Variants in SMAD6 observed in about 807,000 individuals in gnomAD.
SMAD6 encodes the protein SMAD family member 6, also known as MAD homolog 6.
In SMAD6, 103 loss-of-function variants were observed where a neutral mutation model predicts 39.4. That is an observed-to-expected ratio of 2.62 (90% confidence interval 2.23 to 3.08). The LOEUF is 3.08. Among genes scored for constraint, SMAD6 ranks in the 30% most tolerant of loss-of-function variants. The probability of loss-of-function intolerance (pLI) is 0.00; values close to 1 mark genes in which losing one functional copy is unlikely to be tolerated. For missense variants in SMAD6, 1,104 were observed against 742.9 expected (o/e 1.49, Z -5.65); for synonymous variants, 445 against 353.3 (o/e 1.26, Z -2.91).
At chr15:66,705,458 C>T (rs1893091085) in intron 1 of SMAD6, 2 of 152,216 alleles carry the variant, frequency 1.3e-5, no homozygotes, top group African/African-American at 4.8e-5. Context: ...TACTCTTTTC[C>T]CCTTACTGAC....
intron 1 of SMAD6, chr15:66,706,498 G>A (rs1325625465): frequency 6.6e-6 from 1 of 152,362 alleles, no homozygotes; most frequent in East Asian, 1.9e-4. Context: ...TGAGAGCTGG[G>A]GGAGCCCTGG....
intron 1 of SMAD6, among the ~76,000 whole-genome samples, chr15:66,711,459 G>T (rs1434932783): frequency 6.6e-6 from 1 of 152,208 alleles, no homozygotes; most frequent in Non-Finnish European, 1.5e-5. Flanking sequence ...GCCAAAGGTG[G>T]CAGAGCTGGG....
chr15:66,745,053 G>A (rs569706874), intron 3 of SMAD6, among the ~76,000 whole-genome samples: 26 of 152,202 alleles, frequency 1.7e-4, no homozygotes, highest in African/African-American at 6.0e-4. Context: ...GTGACCTCTG[G>A]CCAGAGGGTG....
intron 1 of SMAD6, among the ~76,000 whole-genome samples, chr15:66,709,509 C>T (rs1192562970): frequency 2.0e-5 from 3 of 152,182 alleles, no homozygotes; most frequent in African/African-American, 7.2e-5. Flanking sequence ...GTTACAGAGG[C>T]TTGACTCCAG....
chr15:66,759,336 AAGAGAGAG>A (rs5813403), intron 3 of SMAD6, among the ~76,000 whole-genome samples: 1,833 of 150,400 alleles, frequency 0.012, 38 homozygotes, highest in African/African-American at 0.043. Flanking sequence ...GACAGAGAGG[AAGAGAGAG>A]AGAGAGAGAG....
intron 3 of SMAD6, among the ~76,000 whole-genome samples, chr15:66,755,135 A>G (rs924124190): frequency 1.3e-5 from 2 of 152,160 alleles, no homozygotes; most frequent in African/African-American, 4.8e-5. Context: ...TATTGGTTCC[A>G]GTGCTGTCTT....
Position 66,781,582 on chromosome 15 carries a change from A to C in SMAD6, c.*47A>C, listed in dbSNP as rs763746801. 4 of 1,412,322 alleles carry C rather than the reference A, an allele frequency of 2.8e-6. No individual in the cohort carries two copies. Among genetic ancestry groups the C allele is most frequent in the African/African-American group, 1.5e-5 (1 of 68,502 alleles). The allele number at this position is 1,412,322 out of a possible 1,614,324, so 87.5% of individuals were successfully genotyped here. The stretch of plus-strand genomic sequence containing the variant: ...CGGGTGGGAGGCCGCGGCCACCGCC[A>C]CCTGCCGGCCTCGAGAGGGGCCGAT... On this transcript the variant is annotated 3_prime_UTR_variant, in exon 4 of 4. Coordinates refer to ENST00000288840, the MANE Select transcript of SMAD6 (RefSeq NM_005585.5).
chr15:66,708,984 C>T (rs972193484), intron 1 of SMAD6, among the ~76,000 whole-genome samples: 2 of 152,230 alleles, frequency 1.3e-5, no homozygotes, highest in African/African-American at 4.8e-5. Flanking sequence ...TAACTGGCCT[C>T]CCCTGTAACA....
At chr15:66,720,433 G>A (rs1221794117) in intron 3 of SMAD6, among the ~76,000 whole-genome samples, 1 of 152,114 alleles carries the variant, frequency 6.6e-6, no homozygotes, top group Non-Finnish European at 1.5e-5. Context: ...TGGCCAGGCC[G>A]GGCTGGGTGA....
At chr15:66,763,665 T>G (rs1894242333) in intron 3 of SMAD6, among the ~76,000 whole-genome samples, 1 of 152,112 alleles carries the variant, frequency 6.6e-6, no homozygotes, top group African/African-American at 2.4e-5. Flanking sequence ...CTCTCCAGGG[T>G]TGAAAATGCT....
intron 3 of SMAD6, among the ~76,000 whole-genome samples, chr15:66,727,373 G>A (rs1045134286): frequency 6.6e-6 from 1 of 152,202 alleles, no homozygotes; most frequent in African/African-American, 2.4e-5. Flanking sequence ...AAAATGCTGA[G>A]ATTACAGGTG....
chr15:66,765,117 C>G (rs1358891850), intron 3 of SMAD6, among the ~76,000 whole-genome samples: 1 of 152,232 alleles, frequency 6.6e-6, no homozygotes, highest in Non-Finnish European at 1.5e-5. Context: ...AGTTGCAGCC[C>G]TCACCCCTGT....
chr15:66,715,157 CTT>C (rs1318115901), intron 2 of SMAD6, among the ~76,000 whole-genome samples: 2 of 149,730 alleles, frequency 1.3e-5, no homozygotes, highest in Non-Finnish European at 1.5e-5. Context: ...ATTATTTTCT[CTT>C]CCTTGCATTG....
At chr15:66,763,450 G>A (rs990617704) in intron 3 of SMAD6, among the ~76,000 whole-genome samples, 6 of 152,194 alleles carry the variant, frequency 3.9e-5, no homozygotes, top group Non-Finnish European at 5.9e-5. Context: ...CCGCCTCCCC[G>A]ACTTGGCAGG....
chr15:66,729,471 A>G (rs1239611669), intron 3 of SMAD6, among the ~76,000 whole-genome samples: 1 of 152,162 alleles, frequency 6.6e-6, no homozygotes. Flanking sequence ...TGGGCTGTAA[A>G]TCTTGCTGGG....
At chr15:66,714,214 C>T (rs149682293) in intron 2 of SMAD6, among the ~76,000 whole-genome samples, 2 of 152,300 alleles carry the variant, frequency 1.3e-5, no homozygotes, top group East Asian at 3.9e-4. Context: ...GGACACTGCC[C>T]AGCCCTGCAG....
At chr15:66,741,601 C>T (rs1466170086) in intron 3 of SMAD6, among the ~76,000 whole-genome samples, 1 of 152,160 alleles carries the variant, frequency 6.6e-6, no homozygotes, top group Non-Finnish European at 1.5e-5. Flanking sequence ...ATCCCTGCAG[C>T]ATGTGTTAAA....
Position 66,711,720 on chromosome 15 carries a change from A to G in SMAD6, c.870A>G (p.Pro290=), listed in dbSNP as rs1893234049. 1.9e-6 allele frequency: 3 copies of G among 1,612,772 alleles called. No individual in the cohort carries two copies. Among genetic ancestry groups the G allele is most frequent in the South Asian group, 1.1e-5 (1 of 91,068 alleles). ...TGTCTCCTCGCGACGAGTACAAGCC[A>G]CTGGGTAAGTGTGCCCTCCTTCCTA... ...SRLSPRDEYK[P]LDLSDSTLSY... The change falls in exon 2 of 4, where the codon CCA becomes CCG. Residue 290 remains proline, a synonymous_variant. Coordinates refer to ENST00000288840, the MANE Select transcript of SMAD6 (RefSeq NM_005585.5).
At chr15:66,736,078 C>A (rs575387143) in intron 3 of SMAD6, among the ~76,000 whole-genome samples, 50 of 152,194 alleles carry the variant, frequency 3.3e-4, no homozygotes, top group African/African-American at 1.2e-3. Context: ...AAGCCACCCA[C>A]GGAGTGCTGG....
Sources: allele counts gnomAD v4.1 joint callset (sites outside exome capture counted in the v4.1 genomes callset), GRCh38; gene constraint gnomAD v4.1.1; transcripts MANE v1.5; gene names NCBI Gene and HGNC (gene_info 2026-07-23, HGNC 2026-07-21).